Variants in HIVEP3 observed in about 807,000 individuals in gnomAD.
HIVEP3 encodes transcription factor HIVEP3.
In HIVEP3, 49 loss-of-function variants were observed where a neutral mutation model predicts 152.8. The observed-to-expected ratio is 0.32, with a 90% CI of 0.26 to 0.41. The LOEUF (loss-of-function observed/expected upper bound fraction) is 0.41. Ranked by LOEUF, HIVEP3 falls within the 10% of genes least tolerant of loss-of-function variation. The probability of loss-of-function intolerance (pLI) is 1.00; values close to 1 mark genes in which losing one functional copy is unlikely to be tolerated. For missense variants in HIVEP3, 2,790 were observed against 3,103.3 expected (o/e 0.90, Z 2.40); for synonymous variants, 1,269 against 1,289.0 (o/e 0.98, Z 0.33).
intron 5 of HIVEP3, among the ~76,000 whole-genome samples, chr1:41,561,330 G>A (rs1449125792): frequency 6.6e-6 from 1 of 152,092 alleles, no homozygotes; most frequent in Non-Finnish European, 1.5e-5. Flanking sequence ...CCCAGAAAGG[G>A]TCACACAAAG....
At chr1:41,593,237 C>T (rs1046736455) in intron 3 of HIVEP3, among the ~76,000 whole-genome samples, 1 of 152,206 alleles carries the variant, frequency 6.6e-6, no homozygotes, top group Non-Finnish European at 1.5e-5. Context: ...CCCACATGCC[C>T]CTCCCCAGAG....
At chr1:41,636,583 A>G (rs1003864636) in intron 2 of HIVEP3, among the ~76,000 whole-genome samples, 1 of 152,232 alleles carries the variant, frequency 6.6e-6, no homozygotes, top group Non-Finnish European at 1.5e-5. Flanking sequence ...GTCAATATCC[A>G]TAATATGTAA....
intron 1 of HIVEP3, among the ~76,000 whole-genome samples, chr1:41,782,242 T>C (rs1416362844): frequency 6.6e-6 from 1 of 152,170 alleles, no homozygotes; most frequent in Non-Finnish European, 1.5e-5. Flanking sequence ...TCCACTTATG[T>C]GAGGTACCTA....
intron 1 of HIVEP3, among the ~76,000 whole-genome samples, chr1:41,909,646 A>T (rs780618178): frequency 1.3e-5 from 2 of 152,140 alleles, no homozygotes; most frequent in Non-Finnish European, 2.9e-5. Flanking sequence ...GTTACATAGA[A>T]CACTGCATCT....
chr1:41,768,520 T>G (rs1413324126), intron 1 of HIVEP3, among the ~76,000 whole-genome samples: 1 of 152,236 alleles, frequency 6.6e-6, no homozygotes, highest in African/African-American at 2.4e-5. Context: ...GTTCTACCAA[T>G]CTGTAAATTT....
intron 1 of HIVEP3, among the ~76,000 whole-genome samples, chr1:41,713,860 G>T (rs1646551118): frequency 6.6e-6 from 1 of 152,246 alleles, no homozygotes; most frequent in Non-Finnish European, 1.5e-5. Flanking sequence ...TGGGGGAGGG[G>T]CTGGAGAGAG....
At chr1:41,832,540 A>G (rs1642994565) in intron 1 of HIVEP3, among the ~76,000 whole-genome samples, 1 of 152,152 alleles carries the variant, frequency 6.6e-6, no homozygotes, top group South Asian at 2.1e-4. Context: ...CAAAAAAACA[A>G]AAATTACTGG....
At position 41,583,622 on chromosome 1, in the gene HIVEP3, C is replaced by T; in HGVS notation, c.1176G>A (p.Gly392=). 1 of 1,614,162 alleles carries T rather than the reference C, an allele frequency of 6.2e-7. No individual in the cohort carries two copies. The highest frequency in any genetic ancestry group is 8.5e-7 in the Non-Finnish European group (1 of 1,180,020). The change falls in exon 4 of 9, where the codon GGG becomes GGA. Residue 392 remains glycine, a synonymous_variant. Transcript: ENST00000372583. This position sits in a 1 kb window ranked among gnomAD's most constrained non-coding sequence, Gnocchi z 6.9. The stretch of plus-strand genomic sequence containing the variant: ...CTGCACTCTCGGAGCGAGAGAAATA[C>T]CCAGACTCAGTACTCCCTTTGCTGC... ...SPGSKGSTES[G]YFSRSESAEQ...
chr1:41,792,036 A>C (rs1649726818), intron 1 of HIVEP3, among the ~76,000 whole-genome samples: 1 of 152,146 alleles, frequency 6.6e-6, no homozygotes, highest in Non-Finnish European at 1.5e-5. Flanking sequence ...TCCCAGGCAG[A>C]AGTGACCATT....
chr1:41,581,026 G>C lies in HIVEP3; in HGVS notation c.3772C>G (p.Leu1258Val), dbSNP rs1281541632. ...LQLPGDVESHLPQIKTSLAPL... is the reference protein window; with the variant it reads ...LQLPGDVESHVPQIKTSLAPL... ...GCCAGGCTGGTTTTGATCTGGGGCA[G>C]ATGGCTTTCCACATCACCAGGGAGC... The change falls in exon 4 of 9, where the codon CTG becomes GTG. Residue 1258 changes from leucine (L) to valine (V), a missense_variant. Physicochemically the swap from Leu to Val is conservative, Grantham distance 32 (BLOSUM62 1). Transcript: ENST00000372583. The surrounding 1 kb of genome is among the most constrained non-coding windows in gnomAD (Gnocchi z 4.5). 1 of 1,558,762 alleles carries C rather than the reference G, an allele frequency of 6.4e-7. No homozygotes were observed. The highest frequency in any genetic ancestry group is 2.3e-5 in the East Asian group (1 of 44,434).
At chr1:41,722,525 CTT>C (rs1646693175) in intron 1 of HIVEP3, among the ~76,000 whole-genome samples, 1 of 145,192 alleles carries the variant, frequency 6.9e-6, no homozygotes, top group African/African-American at 2.6e-5. Flanking sequence ...CCTTTCCTCC[CTT>C]CTCTCCCTCC....
intron 1 of HIVEP3, among the ~76,000 whole-genome samples, chr1:41,733,035 T>A (rs1401271247): frequency 6.6e-6 from 1 of 152,168 alleles, no homozygotes; most frequent in Non-Finnish European, 1.5e-5. Flanking sequence ...CAGAACTCCA[T>A]CCTGCAAACA....
chr1:41,971,924 G>A (rs1645232194), intron 1 of HIVEP3, among the ~76,000 whole-genome samples: 1 of 152,340 alleles, frequency 6.6e-6, no homozygotes, highest in South Asian at 2.1e-4. Context: ...AGGACACGGT[G>A]TTCCTGCCCT....
chr1:41,903,415 G>T (rs1374066846), intron 1 of HIVEP3, among the ~76,000 whole-genome samples: 2 of 152,198 alleles, frequency 1.3e-5, no homozygotes, highest in East Asian at 3.9e-4. Flanking sequence ...TTCCTGTGAA[G>T]GTAACAGGAG....
Position 41,520,614 on chromosome 1 carries a change from G to A in HIVEP3, c.5384-2126C>T, listed in dbSNP as rs529723977. Among the ~76,000 whole-genome samples, 51 of 152,296 alleles carry A rather than the reference G, an allele frequency of 3.3e-4. 1 individual carries two copies. Among genetic ancestry groups the A allele is most frequent in the South Asian group, 2.9e-3 (14 of 4,824 alleles). On this transcript the variant is annotated intron_variant, in intron 6 of 8. Coordinates refer to ENST00000372583, the MANE Select transcript of HIVEP3 (RefSeq NM_024503.5). ...CCTACCCTGACTACCCCAGGCCACA[G>A]GGCACTGTGGACACTGCTCATTCTG...
chr1:41,704,790 G>A (rs1373335469), intron 1 of HIVEP3, among the ~76,000 whole-genome samples: 3 of 152,210 alleles, frequency 2.0e-5, no homozygotes, highest in Non-Finnish European at 4.4e-5. Flanking sequence ...AGAAAAGGAA[G>A]CTGAACCATA....
At chr1:41,837,709 T>C (rs1181282207) in intron 1 of HIVEP3, among the ~76,000 whole-genome samples, 3 of 152,216 alleles carry the variant, frequency 2.0e-5, no homozygotes, top group East Asian at 3.8e-4. Flanking sequence ...TTCTATCTCC[T>C]ATTCTAAAAT....
chr1:41,826,161 C>T (rs1314952548), intron 1 of HIVEP3, among the ~76,000 whole-genome samples: 2 of 152,172 alleles, frequency 1.3e-5, no homozygotes, highest in African/African-American at 4.8e-5. Context: ...TTTTCCAGAA[C>T]CTGTGAGCCA....
Position 42,028,086 on chromosome 1 carries a change from C to G in HIVEP3, n.119+7721G>C, listed in dbSNP as rs530662717. ...TATTAAGAGGCCTTCCTTGAACAAT[C>G]TCTCTAACATAATGTTCTCTCCTAT... On this transcript the variant is annotated intron_variant and non_coding_transcript_variant, in intron 1 of 3. Coordinates refer to the HIVEP3 transcript ENST00000489103. Among the ~76,000 whole-genome samples the G allele has an allele frequency of 2.8e-4, 42 of 152,344 alleles. 1 individual carries two copies. The highest frequency in any genetic ancestry group is 9.4e-4 in the African/African-American group (39 of 41,586).
Sources: allele counts gnomAD v4.1 joint callset (sites outside exome capture counted in the v4.1 genomes callset), GRCh38; gene constraint gnomAD v4.1.1; non-coding constraint Gnocchi (gnomAD v3.1); transcripts MANE v1.5; gene names NCBI Gene and HGNC (gene_info 2026-07-23, HGNC 2026-07-21).